Variants in NELL1 observed in about 807,000 individuals in gnomAD.
The protein encoded by NELL1 is neural EGFL like 1.
A neutral mutation model predicts 107.4 loss-of-function variants in NELL1; 76 were observed. The ratio of observed to expected loss-of-function variants is 0.71; its 90% CI spans 0.59 to 0.86. The LOEUF (loss-of-function observed/expected upper bound fraction) is 0.86. Among genes scored for constraint, NELL1 ranks in the 40% least tolerant of loss-of-function variants. NELL1 has a pLI of 0.00. For synonymous variants in NELL1, 353 were observed against 341.2 expected, an observed-to-expected ratio of 1.03 and a Z score of -0.38; for missense variants, 1,024 against 1,005.5, an observed-to-expected ratio of 1.02 and a Z score of -0.25.
At chr11:21,342,666 A>G (rs961937096) in intron 14 of NELL1, among the ~76,000 whole-genome samples, 2 of 148,580 alleles carry the variant, frequency 1.3e-5, no homozygotes, top group African/African-American at 5.0e-5. Context: ...AAAGAAAAAG[A>G]AAAAGAAAAG....
intron 13 of NELL1, among the ~76,000 whole-genome samples, chr11:21,168,749 A>T (rs530026823): frequency 6.6e-6 from 1 of 151,876 alleles, no homozygotes; most frequent in Admixed American, 6.5e-5. Context: ...TTTTTCCCCC[A>T]GGTGCTGTTG....
At chr11:21,185,805 A>G (rs1035996420) in intron 13 of NELL1, among the ~76,000 whole-genome samples, 2 of 151,852 alleles carry the variant, frequency 1.3e-5, no homozygotes, top group Non-Finnish European at 2.9e-5. Context: ...AAGTTCTAGT[A>G]AAATGGATTG....
intron 13 of NELL1, among the ~76,000 whole-genome samples, chr11:21,154,557 G>A (rs1470064718): frequency 1.3e-5 from 2 of 152,130 alleles, no homozygotes; most frequent in African/African-American, 4.8e-5. Context: ...AATGGGTGAT[G>A]TATACATGTT....
chr11:21,434,921 TTTTAA>T (rs1853069196), intron 15 of NELL1, among the ~76,000 whole-genome samples: 1 of 152,288 alleles, frequency 6.6e-6, no homozygotes, highest in African/African-American at 2.4e-5. Flanking sequence ...TTCTTAGTTA[TTTTAA>T]TTTTTGTAGC....
At chr11:21,508,273 C>A (rs1855345146) in intron 15 of NELL1, among the ~76,000 whole-genome samples, 1 of 151,496 alleles carries the variant, frequency 6.6e-6, no homozygotes, top group Non-Finnish European at 1.5e-5. Flanking sequence ...AGGAAATAGA[C>A]AAATAACTAG....
chr11:20,896,763 CA>C (rs1236860773), intron 5 of NELL1, among the ~76,000 whole-genome samples: 1 of 152,030 alleles, frequency 6.6e-6, no homozygotes, highest in Non-Finnish European at 1.5e-5. Flanking sequence ...TCTTATACAC[CA>C]ATAACAGACA....
chr11:21,015,535 T>A (rs912829676), intron 12 of NELL1, among the ~76,000 whole-genome samples: 13 of 152,140 alleles, frequency 8.5e-5, no homozygotes, highest in African/African-American at 3.1e-4. Context: ...TAAGCTGTTA[T>A]ACTGAGGTGA....
At chr11:21,287,528 G>A (rs1849152075) in intron 14 of NELL1, among the ~76,000 whole-genome samples, 2 of 152,112 alleles carry the variant, frequency 1.3e-5, no homozygotes, top group African/African-American at 2.4e-5. Flanking sequence ...GGTTCACCAT[G>A]TCTGTCCCCC....
chr11:21,043,255 G>T (rs528964610), intron 12 of NELL1, among the ~76,000 whole-genome samples: 6 of 152,054 alleles, frequency 3.9e-5, no homozygotes, highest in Non-Finnish European at 8.8e-5. Context: ...CATTGCAGGG[G>T]ATATAACAGT....
At chr11:20,923,465 CT>C (rs1476321897) in intron 7 of NELL1, among the ~76,000 whole-genome samples, 1 of 152,042 alleles carries the variant, frequency 6.6e-6, no homozygotes, top group East Asian at 1.9e-4. Context: ...AGTAATAAAC[CT>C]TTTTTGTCCT....
At chr11:20,778,596 G>C (rs1044335804) in intron 2 of NELL1, among the ~76,000 whole-genome samples, 3 of 148,806 alleles carry the variant, frequency 2.0e-5, no homozygotes, top group Non-Finnish European at 4.4e-5. Flanking sequence ...TCTTATCCTG[G>C]GAAAGAAAAA....
chr11:20,704,663 C>T (rs6483717), intron 2 of NELL1, among the ~76,000 whole-genome samples: 51,122 of 151,914 alleles, frequency 0.34, 9,361 homozygotes, highest in African/African-American at 0.45. Flanking sequence ...TTTCCATGTT[C>T]AGTGCTTCCT....
intron 13 of NELL1, among the ~76,000 whole-genome samples, 184 bp downstream of exon 13, chr11:21,113,898 C>T (rs532909990): frequency 6.6e-6 from 1 of 152,068 alleles, no homozygotes; most frequent in African/African-American, 2.4e-5. Flanking sequence ...TAATTGATTT[C>T]CACTCCCAAT....
chr11:21,178,376 G>A (rs1856754665), intron 13 of NELL1, among the ~76,000 whole-genome samples: 1 of 151,840 alleles, frequency 6.6e-6, no homozygotes, highest in Non-Finnish European at 1.5e-5. Context: ...CCCAAAAAGT[G>A]CAGGTAGTGT....
intron 2 of NELL1, among the ~76,000 whole-genome samples, chr11:20,698,035 G>A (rs975928855): frequency 6.6e-6 from 1 of 152,266 alleles, no homozygotes; most frequent in Non-Finnish European, 1.5e-5. Flanking sequence ...GATTGGATGA[G>A]CCTAGTCACT....
intron 4 of NELL1, among the ~76,000 whole-genome samples, chr11:20,882,852 CT>C (rs1279049174): frequency 2.0e-5 from 3 of 152,132 alleles, no homozygotes; most frequent in African/African-American, 7.2e-5. Context: ...TAAAGTCTCT[CT>C]TTTAATCTCC....
chr11:20,674,696 T>A (rs368508096), intron 1 of NELL1: 3 of 655,258 alleles, frequency 4.6e-6, no homozygotes, highest in Non-Finnish European at 8.1e-6. Flanking sequence ...CAGTTTAGTG[T>A]TGTTTCCACA....
At chr11:21,170,262 C>T (rs1266721638) in intron 13 of NELL1, 1 of 296,392 alleles carries the variant, frequency 3.4e-6, no homozygotes, top group East Asian at 6.9e-5. Flanking sequence ...AGGGTATGGG[C>T]CTTGGACTGC....
At chr11:20,716,520 A>G (rs1420154639) in intron 2 of NELL1, among the ~76,000 whole-genome samples, 1 of 152,194 alleles carries the variant, frequency 6.6e-6, no homozygotes, top group Non-Finnish European at 1.5e-5. Flanking sequence ...AGATGTCACT[A>G]TTAATGTGAT....
Sources: gnomAD v4.1 joint callset for allele counts (sites outside exome capture counted in the v4.1 genomes callset) on GRCh38, gnomAD v4.1.1 for gene constraint, MANE v1.5 for transcripts, NCBI Gene and HGNC (gene_info 2026-07-23, HGNC 2026-07-21) for gene names.